Variants in SLIT3 observed in about 807,000 individuals in gnomAD.
The protein encoded by SLIT3 is slit guidance ligand 3, also known as slit homolog 3 protein.
SLIT3 carries 68 observed loss-of-function variants against 184.0 expected under a neutral mutation model. The ratio of observed to expected loss-of-function variants is 0.37; its 90% CI spans 0.30 to 0.45. The LOEUF is 0.45. SLIT3 is among the 20% of genes least tolerant of loss of function. The pLI, the probability that SLIT3 is intolerant of heterozygous loss-of-function variation, is 1.00. For synonymous variants in SLIT3, 831 were observed against 828.6 expected (o/e 1.00, Z -0.05); for missense variants, 1,707 against 2,026.0 (o/e 0.84, Z 3.02).
rs1157258489 is a variant in SLIT3 at position 169,257,533 on chromosome 5, C to CTTTTTTTT, written c.198-6082_198-6075dup. Among the ~76,000 whole-genome samples, 19 of 80,962 alleles carry CTTTTTTTT rather than the reference C, an allele frequency of 2.3e-4. 2 individuals are homozygous for CTTTTTTTT. The highest frequency in any genetic ancestry group is 9.8e-4 in the African/African-American group (17 of 17,366). The allele number at this position is 80,962 out of a possible 152,430, so 53.1% of individuals were successfully genotyped here. On this transcript the variant is annotated intron_variant, in intron 1 of 35. Coordinates refer to ENST00000519560, the MANE Select transcript of SLIT3 (RefSeq NM_003062.4). ...TTGATACAATAGCTTTCTATGCCTC[C>CTTTTTTTT]TTTTTTTTTTTTTTTTTTTTTTTTT...
At chr5:169,163,304 G>A (rs893258818) in intron 4 of SLIT3, among the ~76,000 whole-genome samples, 9 of 152,158 alleles carry the variant, frequency 5.9e-5, no homozygotes, top group East Asian at 5.8e-4. Context: ...CCAGGCCACC[G>A]TGCGAGGAAA....
intron 3 of SLIT3, among the ~76,000 whole-genome samples, chr5:169,232,618 A>C (rs962274848): frequency 6.6e-6 from 1 of 152,188 alleles, no homozygotes; most frequent in African/African-American, 2.4e-5. Flanking sequence ...CAACAGAACA[A>C]GTTTTCCATA....
At chr5:169,160,004 T>A (rs555395144) in intron 4 of SLIT3, among the ~76,000 whole-genome samples, 2 of 152,330 alleles carry the variant, frequency 1.3e-5, no homozygotes, top group South Asian at 4.1e-4. Flanking sequence ...CAAATCAACC[T>A]GGGTCTCTGA....
chr5:168,728,926 A>C (rs556300570), intron 20 of SLIT3, among the ~76,000 whole-genome samples: 8 of 143,524 alleles, frequency 5.6e-5, no homozygotes, highest in East Asian at 4.0e-4. Flanking sequence ...TCAAAAAAAA[A>C]CCAAAGAAAC....
At chr5:169,155,669 T>A (rs1762278515) in intron 4 of SLIT3, among the ~76,000 whole-genome samples, 2 of 151,950 alleles carry the variant, frequency 1.3e-5, no homozygotes, top group South Asian at 4.2e-4. Context: ...AATTCTGAGG[T>A]TTTTCCTTTC....
chr5:169,111,898 G>C (rs1245574539), intron 4 of SLIT3, among the ~76,000 whole-genome samples: 1 of 152,190 alleles, frequency 6.6e-6, no homozygotes, highest in African/African-American at 2.4e-5. Flanking sequence ...TAGATATCTG[G>C]GGGTGTCCTC....
At chr5:168,984,558 G>A (rs1486185155) in intron 4 of SLIT3, among the ~76,000 whole-genome samples, 1 of 152,096 alleles carries the variant, frequency 6.6e-6, no homozygotes, top group African/African-American at 2.4e-5. Context: ...GCTTTTTCCA[G>A]CCCCACTGAA....
At chr5:169,034,796 T>C (rs922035795) in intron 4 of SLIT3, among the ~76,000 whole-genome samples, 3 of 150,764 alleles carry the variant, frequency 2.0e-5, no homozygotes, top group African/African-American at 7.3e-5. Context: ...CAGACTGGAG[T>C]GCAGTGGCTT....
At chr5:169,110,640 C>G (rs764058472) in intron 4 of SLIT3, among the ~76,000 whole-genome samples, 1 of 152,184 alleles carries the variant, frequency 6.6e-6, no homozygotes, top group Non-Finnish European at 1.5e-5. Context: ...TGTAAAGACC[C>G]TATTTCCAAA....
chr5:168,713,830 T>C (rs1762636137), intron 23 of SLIT3, among the ~76,000 whole-genome samples: 1 of 152,222 alleles, frequency 6.6e-6, no homozygotes, highest in Admixed American at 6.5e-5. Context: ...TCAGTGGGTC[T>C]GAGGTGAGGC....
At position 168,753,856 on chromosome 5, in the gene SLIT3, G is replaced by A; in HGVS notation, c.1829+8C>T. The A allele has an allele frequency of 1.2e-6, 2 of 1,609,128 alleles. No homozygotes were observed. Among genetic ancestry groups the A allele is most frequent in the Non-Finnish European group, 1.7e-6 (2 of 1,179,254 alleles). ...GGTCTTGGCCCAGGCCCCACCCCAG[G>A]CACTCACAAGGTTTTGAGGCCACTG... is the stretch of plus-strand genomic sequence containing the variant. On this transcript the variant is annotated splice_region_variant and intron_variant, in intron 17 of 35. Transcript: ENST00000519560.
chr5:169,238,795 C>T (rs1765292391), intron 3 of SLIT3, among the ~76,000 whole-genome samples: 1 of 152,022 alleles, frequency 6.6e-6, no homozygotes, highest in African/African-American at 2.4e-5. Flanking sequence ...AGTTTATAGG[C>T]CCCAGAATGT....
chr5:169,126,639 C>T (rs1168654522), intron 4 of SLIT3, among the ~76,000 whole-genome samples: 2 of 152,244 alleles, frequency 1.3e-5, no homozygotes, highest in African/African-American at 4.8e-5. Flanking sequence ...ACAGGCTCTG[C>T]TCCCTTGACA....
chr5:169,257,965 A>C (rs1037378498), intron 1 of SLIT3, among the ~76,000 whole-genome samples: 1 of 152,148 alleles, frequency 6.6e-6, no homozygotes, highest in Non-Finnish European at 1.5e-5. Flanking sequence ...TATTTGCTGG[A>C]CCCATACTAC....
At chr5:168,849,443 C>A (rs1291359437) in intron 5 of SLIT3, among the ~76,000 whole-genome samples, 1 of 152,208 alleles carries the variant, frequency 6.6e-6, no homozygotes, top group Non-Finnish European at 1.5e-5. Context: ...CTGAATAAAT[C>A]TATCCCTACC....
At chr5:169,039,451 G>C in intron 4 of SLIT3, among the ~76,000 whole-genome samples, 1 of 151,704 alleles carries the variant, frequency 6.6e-6, no homozygotes, top group East Asian at 1.9e-4. Context: ...TGAGTAGCTA[G>C]GACTATAGGC....
intron 1 of SLIT3, among the ~76,000 whole-genome samples, chr5:169,295,857 A>C (rs1767484115): frequency 6.6e-6 from 1 of 152,226 alleles, no homozygotes; most frequent in Non-Finnish European, 1.5e-5. Context: ...ATACAAGAAG[A>C]GCAGCAATCA....
chr5:168,909,727 T>C (rs1761193287), intron 4 of SLIT3, among the ~76,000 whole-genome samples: 1 of 152,162 alleles, frequency 6.6e-6, no homozygotes, highest in Non-Finnish European at 1.5e-5. Context: ...TGCCTCCTGC[T>C]TTCCTCTCCG....
chr5:168,978,801 A>G (rs1754851467), intron 4 of SLIT3, among the ~76,000 whole-genome samples: 1 of 151,958 alleles, frequency 6.6e-6, no homozygotes, highest in Non-Finnish European at 1.5e-5. Flanking sequence ...TTACTATCTA[A>G]TCTTTTAACT....
Sources: allele counts gnomAD v4.1 joint callset (sites outside exome capture counted in the v4.1 genomes callset), GRCh38; gene constraint gnomAD v4.1.1; transcripts MANE v1.5; gene names NCBI Gene and HGNC (gene_info 2026-07-23, HGNC 2026-07-21).